Variants in ANKRD27 observed in about 807,000 individuals in gnomAD.
The protein encoded by ANKRD27 is ankyrin repeat domain-containing protein 27.
Under a neutral mutation model 129.7 loss-of-function variants are expected in ANKRD27, and 112 were observed. That is an observed-to-expected ratio of 0.86 (90% CI 0.74 to 1.01). The LOEUF (loss-of-function observed/expected upper bound fraction) is 1.01. Among genes scored for constraint, ANKRD27 ranks in the 50% least tolerant of loss-of-function variants. The pLI, the probability that ANKRD27 is intolerant of heterozygous loss-of-function variation, is 0.00. For synonymous variants in ANKRD27, 516 were observed against 511.2 expected, an observed-to-expected ratio of 1.01 and a Z score of -0.13; for missense variants, 1,258 against 1,300.5, an observed-to-expected ratio of 0.97 and a Z score of 0.50.
intron 20 of ANKRD27, among the ~76,000 whole-genome samples, chr19:32,619,010 C>T (rs144508646): frequency 3.3e-5 from 5 of 152,356 alleles, no homozygotes; most frequent in South Asian, 2.1e-4. Context: ...AATACACAAA[C>T]GCACTCTACC....
intron 1 of ANKRD27, 145 bp from the exon 2 acceptor site, chr19:32,659,190 G>A (rs1967601976): frequency 1.8e-6 from 1 of 555,908 alleles, no homozygotes; most frequent in Non-Finnish European, 3.2e-6. Context: ...CCAGGCTGGA[G>A]CGCGGCTCAG....
rs375631082 is a variant in ANKRD27 at position 32,602,174 on chromosome 19, A to C, written c.2656-48T>G. On this transcript the variant is annotated intron_variant, in intron 25 of 28. Coordinates refer to ENST00000306065, the MANE Select transcript of ANKRD27 (RefSeq NM_032139.3). ...AACAGTAATGTTTTTATTCTTTTTT[A>C]ATAGGTTATTATTTGTTTTTGATCT... 144 of 1,201,034 alleles carry C rather than the reference A, an allele frequency of 1.2e-4. No homozygotes were observed. In the African/African-American group the frequency reaches 2.0e-3, roughly 17 times the overall value. The allele number at this position is 1,201,034 out of a possible 1,614,324, so 74.4% of individuals were successfully genotyped here.
chr19:32,663,089 A>G (rs1366474757), intron 1 of ANKRD27, among the ~76,000 whole-genome samples: 2 of 152,226 alleles, frequency 1.3e-5, no homozygotes, highest in African/African-American at 4.8e-5. Flanking sequence ...GAAATAAGAA[A>G]AGTAAATGTA....
At position 32,642,055 on chromosome 19, in the gene ANKRD27, C is replaced by T; in HGVS notation, c.873G>A (p.Val291=). 1 of 1,610,868 alleles carries T rather than the reference C, an allele frequency of 6.2e-7. No homozygotes were observed. Among genetic ancestry groups the T allele is most frequent in the Non-Finnish European group, 8.5e-7 (1 of 1,177,720 alleles). The change falls in exon 10 of 29, where the codon GTG becomes GTA. Residue 291 remains valine, a synonymous_variant. Transcript: ENST00000306065. ...GGCTTGGAGACTGTGTAATGAGCTG[C>T]ACCACTTTTCGCAAGCAGACAAGCT... The part of the protein sequence containing the change: ...QQKLVCLRKV[V]QLITQSPSQR...
chr19:32,640,680 T>C (rs536905525), intron 10 of ANKRD27, among the ~76,000 whole-genome samples: 56 of 152,140 alleles, frequency 3.7e-4, no homozygotes, highest in African/African-American at 1.2e-3. Flanking sequence ...GACGGGAGAA[T>C]TGCTTGAGGC....
At chr19:32,644,174 T>G in intron 5 of ANKRD27, 151 bp downstream of exon 5, 2 of 958,592 alleles carry the variant, frequency 2.1e-6, no homozygotes, top group Non-Finnish European at 3.1e-6. Context: ...CATGCCCGGT[T>G]AAACTACTTT....
intron 2 of ANKRD27, among the ~76,000 whole-genome samples, chr19:32,656,132 G>GAAAAGA (rs1967532286): frequency 1.4e-5 from 2 of 147,702 alleles, no homozygotes; most frequent in South Asian, 2.1e-4. Flanking sequence ...GAAAAGAAAA[G>GAAAAGA]AAAAGAAAAA....
Position 32,631,465 on chromosome 19 carries a change from G to A in ANKRD27, c.1146C>T (p.Phe382=), listed in dbSNP as rs1966990804. The A allele has an allele frequency of 1.2e-6, 2 of 1,613,990 alleles. No individual in the cohort carries two copies. The highest frequency in any genetic ancestry group is 8.5e-7 in the Non-Finnish European group (1 of 1,180,020). The change falls in exon 13 of 29, where the codon TTC becomes TTT. Residue 382 remains phenylalanine (F), a synonymous_variant. Transcript: ENST00000306065. ...PESEGFGDRL[F]LKQRMSLLSQ... ...AGAGTAAGCTCATTCTCTGCTTAAG[G>A]AACAGCCTGTCTCCAAATCCCTCAG...
chr19:32,604,519 G>A, intron 24 of ANKRD27, 95 bp from the exon 25 acceptor site: 3 of 1,230,426 alleles, frequency 2.4e-6, no homozygotes, highest in Non-Finnish European at 3.2e-6. Flanking sequence ...AAAACACATT[G>A]TTTTTTTTAT....
Position 32,644,341 on chromosome 19 carries a change from C to T in ANKRD27, c.509G>A (p.Ser170Asn), listed in dbSNP as rs1967260520. Residue 170 changes from serine (S) to asparagine (N), a missense_variant, in exon 5 of 29, where the codon AGC becomes AAC. Physicochemically the swap from Ser to Asn is conservative, Grantham distance 46 (BLOSUM62 1). Transcript: ENST00000306065. ...GCTACTGACTATGTGGTGACGGAGGCTCTTTCTCTCGCATTCTCGGAATGT... is the reference window on the plus strand; with the variant it reads ...GCTACTGACTATGTGGTGACGGAGGTTCTTTCTCTCGCATTCTCGGAATGT... Reference protein sequence around the residue: ...HRTFRECERKSLRHHIDSANA... With the variant: ...HRTFRECERKNLRHHIDSANA... The T allele has an allele frequency of 6.2e-7, 1 of 1,613,132 alleles. No homozygotes were observed. Among genetic ancestry groups the T allele is most frequent in the South Asian group, 1.1e-5 (1 of 91,018 alleles).
At chr19:32,672,422 G>A (rs893413492) in intron 1 of ANKRD27, among the ~76,000 whole-genome samples, 3 of 152,182 alleles carry the variant, frequency 2.0e-5, no homozygotes, top group Non-Finnish European at 4.4e-5. Context: ...TCCCTGCAGA[G>A]ATGGAGTAAC....
At chr19:32,670,784 G>C (rs532158012) in intron 1 of ANKRD27, among the ~76,000 whole-genome samples, 1 of 152,058 alleles carries the variant, frequency 6.6e-6, no homozygotes, top group African/African-American at 2.4e-5. Flanking sequence ...ACTTGAGATG[G>C]AGTTCAAGAC....
chr19:32,620,196 C>G (rs402862), intron 18 of ANKRD27, among the ~76,000 whole-genome samples: 111,105 of 151,122 alleles, frequency 0.74, 41,342 homozygotes, highest in African/African-American at 0.84. Flanking sequence ...TAACCCTTCA[C>G]AAACTGTGCT....
At chr19:32,629,624 C>T (rs1385530440) in intron 13 of ANKRD27, among the ~76,000 whole-genome samples, 3 of 151,968 alleles carry the variant, frequency 2.0e-5, no homozygotes, top group African/African-American at 7.3e-5. Context: ...CACTTGAACC[C>T]GGGAGATGGA....
intron 1 of ANKRD27, among the ~76,000 whole-genome samples, chr19:32,662,771 G>A (rs541048709): frequency 2.0e-4 from 31 of 151,994 alleles, no homozygotes; most frequent in African/African-American, 6.8e-4. Context: ...GGCCAGGCAC[G>A]GTGGCTCACG....
At position 32,644,327 on chromosome 19, in the gene ANKRD27, T is replaced by C; in HGVS notation, c.523A>G (p.Ile175Val). ...CAGAGGACAGCACGGCTACTGACTA[T>C]GTGGTGACGGAGGCTCTTTCTCTCG... ...ECERKSLRHH[I>V]DSANALYTKC... Residue 175 changes from isoleucine (I) to valine (V), a missense_variant and splice_region_variant, in exon 5 of 29, where the codon ATA becomes GTA. By Grantham distance (29) the Ile-to-Val change is conservative. Transcript: ENST00000306065. The C allele has an allele frequency of 6.2e-7, 1 of 1,612,266 alleles. No individual in the cohort carries two copies. Among genetic ancestry groups the C allele is most frequent in the Non-Finnish European group, 8.5e-7 (1 of 1,179,500 alleles).
chr19:32,600,208 T>TCC, intron 26 of ANKRD27, 158 bp from the exon 27 acceptor site: 1 of 542,788 alleles, frequency 1.8e-6, no homozygotes, highest in East Asian at 5.2e-5. Flanking sequence ...TACCTATTTA[T>TCC]AACAGGTTGA....
At chr19:32,658,878 A>C (rs753739267) in intron 2 of ANKRD27, 36 bp downstream of exon 2, 1 of 1,518,558 alleles carries the variant, frequency 6.6e-7, no homozygotes, top group Non-Finnish European at 9.2e-7. Context: ...GGAACCATTC[A>C]TGCCTCAGGA....
intron 5 of ANKRD27, 37 bp downstream of exon 5, chr19:32,644,288 C>T (rs760390130): frequency 2.3e-5 from 37 of 1,597,964 alleles, no homozygotes; most frequent in Non-Finnish European, 3.2e-5. Context: ...TGAACCGAGA[C>T]AGGGCACGCC....
Sources: allele counts gnomAD v4.1 joint callset (sites outside exome capture counted in the v4.1 genomes callset), GRCh38; gene constraint gnomAD v4.1.1; transcripts MANE v1.5; gene names NCBI Gene and HGNC (gene_info 2026-07-23, HGNC 2026-07-21).